AGAP1: variants seen among roughly 807,000 people sequenced by gnomAD.
AGAP1 encodes arf-GAP with GTPase, ANK repeat and PH domain-containing protein 1.
AGAP1 carries 29 observed loss-of-function variants against 105.3 expected under a neutral mutation model. The observed-to-expected ratio is 0.28, with a 90% CI of 0.21 to 0.38. The LOEUF (loss-of-function observed/expected upper bound fraction) is 0.38. Among genes scored for constraint, AGAP1 ranks in the 10% least tolerant of loss-of-function variants. The pLI, the probability that AGAP1 is intolerant of heterozygous loss-of-function variation, is 1.00. For missense variants in AGAP1, 998 were observed against 1,165.1 expected (o/e 0.86, Z 2.09); for synonymous variants, 509 against 485.9 (o/e 1.05, Z -0.63).
chr2:235,584,844 A>C (rs1945049826), intron 1 of AGAP1, among the ~76,000 whole-genome samples: 1 of 149,096 alleles, frequency 6.7e-6, no homozygotes, highest in Non-Finnish European at 1.5e-5. Flanking sequence ...TCGTTTTCTC[A>C]GCGGAAACTT....
At chr2:235,984,374 G>C (rs1258367514) in intron 13 of AGAP1, among the ~76,000 whole-genome samples, 1 of 151,772 alleles carries the variant, frequency 6.6e-6, no homozygotes. Flanking sequence ...ATCTGTTTGA[G>C]TCCCTGTTTT....
intron 16 of AGAP1, among the ~76,000 whole-genome samples, chr2:236,071,999 C>A (rs1247958607): frequency 1.3e-5 from 2 of 152,156 alleles, no homozygotes; most frequent in Non-Finnish European, 2.9e-5. Context: ...AATGGTGTCC[C>A]TGGCCCATCT....
chr2:235,873,012 G>A (rs947394795), intron 9 of AGAP1, among the ~76,000 whole-genome samples: 5 of 152,296 alleles, frequency 3.3e-5, no homozygotes, highest in Middle Eastern at 3.4e-3. Context: ...CCCCAGGAGG[G>A]CAGAGGACCC....
intron 6 of AGAP1, among the ~76,000 whole-genome samples, chr2:235,758,262 G>A (rs778637320): frequency 6.6e-6 from 1 of 152,072 alleles, no homozygotes; most frequent in Non-Finnish European, 1.5e-5. Flanking sequence ...TTGAAAAGGT[G>A]GATTAATGGG....
At chr2:235,697,414 C>T (rs1026321820) in intron 1 of AGAP1, among the ~76,000 whole-genome samples, 4 of 152,170 alleles carry the variant, frequency 2.6e-5, no homozygotes, top group Admixed American at 2.0e-4. Flanking sequence ...ATTAAGTGCC[C>T]AGTGCCCCCA....
rs936740781 is a variant in AGAP1, at chr2:236,051,581, G to T, written c.2114+2300G>T. ...CCTGTGGGGAGGTGTGCCTGTCGGC[G>T]AGTACAGCACCGTGGACGGGAGCCT... On this transcript the variant is annotated intron_variant, in intron 16 of 17. Transcript: ENST00000304032. The surrounding 1 kb of genome is among the most constrained non-coding windows in gnomAD (Gnocchi z 5.9). 2.6e-4 allele frequency among the ~76,000 whole-genome samples: 39 copies of T among 152,164 alleles called. No individual in the cohort carries two copies. The highest frequency in any genetic ancestry group is 8.4e-4 in the African/African-American group (35 of 41,444).
rs1199340772 is a variant in AGAP1, at chr2:235,965,266, C to G, written c.1484-3196C>G. Among the ~76,000 whole-genome samples the G allele has an allele frequency of 6.6e-6, 1 of 152,164 alleles. No individual in the cohort carries two copies. The highest frequency in any genetic ancestry group is 1.5e-5 in the Non-Finnish European group (1 of 68,028). On this transcript the variant is annotated intron_variant, in intron 12 of 17. Coordinates refer to ENST00000304032, the MANE Select transcript of AGAP1 (RefSeq NM_001037131.3). This position sits in a 1 kb window ranked among gnomAD's most constrained non-coding sequence, Gnocchi z 5.8. ...AAGAGAGGGTCAGGTAGAGCCAAGC[C>G]TGGAACTGGTGTTGGTGTCATGCAC... is the stretch of plus-strand genomic sequence containing the variant.
rs1415856926 is a variant in AGAP1 at position 236,002,524 on chromosome 2, C to T, written c.1645+33901C>T. Among the ~76,000 whole-genome samples, 1 of 152,156 alleles carries T rather than the reference C, an allele frequency of 6.6e-6. No individual in the cohort carries two copies. Among genetic ancestry groups the T allele is most frequent in the East Asian group, 1.9e-4 (1 of 5,180 alleles). On this transcript the variant is annotated intron_variant, in intron 13 of 17. Coordinates refer to ENST00000304032, the MANE Select transcript of AGAP1 (RefSeq NM_001037131.3). This position sits in a 1 kb window ranked among gnomAD's most constrained non-coding sequence, Gnocchi z 4.3. ...AAATATGTTAACAAGTAATGTTGCT[C>T]CCTCTCATGAGGGGGTCACTGGCTG...
chr2:236,099,329 C>T (rs2059283513), intron 16 of AGAP1, among the ~76,000 whole-genome samples: 1 of 151,944 alleles, frequency 6.6e-6, no homozygotes, highest in Non-Finnish European at 1.5e-5. Context: ...GTGGCGAGCG[C>T]CTGTAGTCCC....
intron 11 of AGAP1, among the ~76,000 whole-genome samples, chr2:235,928,503 C>T (rs1414033427): frequency 6.6e-6 from 1 of 152,292 alleles, no homozygotes; most frequent in East Asian, 1.9e-4. Flanking sequence ...CCTTTAGATT[C>T]CTGCCATGCT....
chr2:236,112,455 C>T (rs1351779114), intron 16 of AGAP1, among the ~76,000 whole-genome samples: 7 of 151,978 alleles, frequency 4.6e-5, no homozygotes, highest in Admixed American at 2.0e-4. Context: ...CTCTCTCTCC[C>T]CACAACCCTG....
chr2:235,775,402 T>C (rs1955785764), intron 6 of AGAP1, among the ~76,000 whole-genome samples: 1 of 152,230 alleles, frequency 6.6e-6, no homozygotes, highest in African/African-American at 2.4e-5. Context: ...GCTGTCCTCT[T>C]AAATCATAGG....
intron 1 of AGAP1, among the ~76,000 whole-genome samples, chr2:235,641,446 C>CT (rs1947193979): frequency 2.2e-5 from 2 of 91,648 alleles, no homozygotes; most frequent in Admixed American, 1.2e-4. Flanking sequence ...TTTTTTTTTT[C>CT]TTTTTTGGTA....
At position 235,556,539 on chromosome 2, in the gene AGAP1, C is replaced by G. The variant is rs1672958689; in HGVS notation, c.163+61690C>G. On this transcript the variant is annotated intron_variant, in intron 1 of 17. Transcript: ENST00000304032. This position sits in a 1 kb window ranked among gnomAD's most constrained non-coding sequence, Gnocchi z 5.3. ...CCTAACCGTTTACCTGTTTTCTGCT[C>G]TGACCAGGCACCTTGGGGGAGGGAA... Among the ~76,000 whole-genome samples, 1 of 152,220 alleles carries G rather than the reference C, an allele frequency of 6.6e-6. No individual in the cohort carries two copies. The highest frequency in any genetic ancestry group is 2.4e-5 in the African/African-American group (1 of 41,466).
At position 235,582,397 on chromosome 2, in the gene AGAP1, T is replaced by C. The variant is rs1944963093; in HGVS notation, c.163+87548T>C. Among the ~76,000 whole-genome samples the C allele has an allele frequency of 6.6e-6, 1 of 152,140 alleles. No homozygotes were observed. Among genetic ancestry groups the C allele is most frequent in the Admixed American group, 6.5e-5 (1 of 15,282 alleles). ...AGTGTGCTGGACAGGAGCCACACAG[T>C]GTAGAAGCGACTTGCCCTAAATGCC... On this transcript the variant is annotated intron_variant, in intron 1 of 17. Coordinates refer to ENST00000304032, the MANE Select transcript of AGAP1 (RefSeq NM_001037131.3). The surrounding 1 kb of genome is among the most constrained non-coding windows in gnomAD (Gnocchi z 4.7).
intron 1 of AGAP1, among the ~76,000 whole-genome samples, chr2:235,523,494 G>A (rs1429522820): frequency 6.6e-6 from 1 of 152,170 alleles, no homozygotes; most frequent in Non-Finnish European, 1.5e-5. Flanking sequence ...GATGGATGGT[G>A]CCTGGCAGGG....
rs2050106071 is a variant in AGAP1 at position 235,882,981 on chromosome 2, T to C, written c.1051-364T>C. ...AAGCACACCACCGTGCCCAGCTAAT[T>C]TTATTTATTTATTTATTTTTTTAGA... On this transcript the variant is annotated intron_variant, in intron 9 of 17. Coordinates refer to ENST00000304032, the MANE Select transcript of AGAP1 (RefSeq NM_001037131.3). The surrounding 1 kb of genome is among the most constrained non-coding windows in gnomAD (Gnocchi z 4.6). Among the ~76,000 whole-genome samples the C allele has an allele frequency of 6.6e-6, 1 of 150,856 alleles. No individual in the cohort carries two copies. The highest frequency in any genetic ancestry group is 1.9e-4 in the East Asian group (1 of 5,164).
intron 15 of AGAP1, among the ~76,000 whole-genome samples, chr2:236,043,542 C>T (rs562330734): frequency 1.3e-5 from 2 of 152,092 alleles, no homozygotes; most frequent in Admixed American, 1.3e-4. Context: ...GCCTGGCCAG[C>T]GTGGTGAAAC....
Position 235,551,601 on chromosome 2 carries a change from A to C in AGAP1, c.163+56752A>C, listed in dbSNP as rs978247773. Among the ~76,000 whole-genome samples, 1 of 152,224 alleles carries C rather than the reference A, an allele frequency of 6.6e-6. No homozygotes were observed. The highest frequency in any genetic ancestry group is 1.5e-5 in the Non-Finnish European group (1 of 68,048). ...GGCATCAACTACCATTGCCAGCCTG[A>C]GCTGCATGCATTCTAAGGACACTTT... On this transcript the variant is annotated intron_variant, in intron 1 of 17. Transcript: ENST00000304032. The surrounding 1 kb of genome is among the most constrained non-coding windows in gnomAD (Gnocchi z 4.8).
Sources: allele counts gnomAD v4.1 joint callset (sites outside exome capture counted in the v4.1 genomes callset), GRCh38; gene constraint gnomAD v4.1.1; non-coding constraint Gnocchi (gnomAD v3.1); transcripts MANE v1.5; gene names NCBI Gene and HGNC (gene_info 2026-07-23, HGNC 2026-07-21).